Variants in MAGI1 observed in about 807,000 individuals in gnomAD.
MAGI1 encodes the protein membrane-associated guanylate kinase, WW and PDZ domain-containing protein 1.
In MAGI1, 58 loss-of-function variants were observed where a neutral mutation model predicts 139.9. The observed-to-expected ratio is 0.41, with a 90% CI of 0.34 to 0.52. The LOEUF is 0.52. Ranked by LOEUF, MAGI1 falls within the 20% of genes least tolerant of loss-of-function variation. The pLI is 0.12. For missense variants in MAGI1, 1,874 were observed against 1,901.6 expected (o/e 0.99, Z 0.27); for synonymous variants, 812 against 737.9 (o/e 1.10, Z -1.63).
At chr3:65,734,595 G>A (rs541687378) in intron 1 of MAGI1, among the ~76,000 whole-genome samples, 6 of 151,750 alleles carry the variant, frequency 4.0e-5, no homozygotes, top group African/African-American at 1.4e-4. Flanking sequence ...GAGGGAGAGA[G>A]AGAAACTGTC....
At chr3:65,534,911 AC>A (rs1293290486) in intron 2 of MAGI1, among the ~76,000 whole-genome samples, 7 of 152,130 alleles carry the variant, frequency 4.6e-5, no homozygotes, top group Non-Finnish European at 8.8e-5. Context: ...CAACCCCATC[AC>A]CATGGCAGGT....
At chr3:65,862,295 T>C (rs1014759741) in intron 1 of MAGI1, among the ~76,000 whole-genome samples, 3 of 152,136 alleles carry the variant, frequency 2.0e-5, no homozygotes, top group African/African-American at 4.8e-5. Flanking sequence ...GCAGTACCTA[T>C]TCTCATATGG....
intron 2 of MAGI1, among the ~76,000 whole-genome samples, chr3:65,516,747 A>G (rs1174595775): frequency 3.9e-5 from 1 of 25,600 alleles, no homozygotes; most frequent in Non-Finnish European, 7.6e-5. Flanking sequence ...TTTTTTTTTG[A>G]GACGGAGTCT....
chr3:65,416,255 T>C (rs1946210311), intron 12 of MAGI1, among the ~76,000 whole-genome samples: 1 of 152,196 alleles, frequency 6.6e-6, no homozygotes, highest in African/African-American at 2.4e-5. Flanking sequence ...GGTTGCTGAA[T>C]GAGTGGAGTC....
At chr3:65,575,160 A>G (rs1280645277) in intron 2 of MAGI1, among the ~76,000 whole-genome samples, 1 of 152,102 alleles carries the variant, frequency 6.6e-6, no homozygotes, top group Non-Finnish European at 1.5e-5. Context: ...CAAATCACAT[A>G]TCTGAAAAAG....
At chr3:65,664,338 A>G (rs1358975770) in intron 1 of MAGI1, among the ~76,000 whole-genome samples, 1 of 152,206 alleles carries the variant, frequency 6.6e-6, no homozygotes, top group Admixed American at 6.5e-5. Flanking sequence ...ACTACCACCA[A>G]TAACAATAAA....
chr3:65,845,067 A>G (rs899428822), intron 1 of MAGI1, among the ~76,000 whole-genome samples: 2 of 152,106 alleles, frequency 1.3e-5, no homozygotes, highest in South Asian at 2.1e-4. Flanking sequence ...CCTGGCCAAT[A>G]TGGTGAAACC....
At chr3:65,722,264 T>G (rs769325110) in intron 1 of MAGI1, among the ~76,000 whole-genome samples, 2 of 152,178 alleles carry the variant, frequency 1.3e-5, no homozygotes, top group African/African-American at 2.4e-5. Context: ...TACCTAGATT[T>G]GTTTAAGAAT....
At chr3:65,457,755 A>C (rs1465391772) in intron 5 of MAGI1, among the ~76,000 whole-genome samples, 2 of 152,180 alleles carry the variant, frequency 1.3e-5, no homozygotes, top group African/African-American at 4.8e-5. Flanking sequence ...ATCAGGGTAA[A>C]TGAAGTGACC....
chr3:65,974,395 A>C lies in MAGI1; in HGVS notation c.313+63601T>G, dbSNP rs180903200. On this transcript the variant is annotated intron_variant, in intron 1 of 22. Transcript: ENST00000402939. Reference sequence around the variant, plus strand: ...GGCGGGTGGGCGGGTGGCTGGGTGGATGGGTGGATGGGTGGATGGATGGAT... The same window carrying C: ...GGCGGGTGGGCGGGTGGCTGGGTGGCTGGGTGGATGGGTGGATGGATGGAT... Among the ~76,000 whole-genome samples the C allele has an allele frequency of 7.8e-4, 105 of 134,044 alleles. 2 individuals are homozygous for C. Among genetic ancestry groups the C allele is most frequent in the Admixed American group, 1.5e-3 (20 of 12,932 alleles). 87.9% of individuals were successfully genotyped at this position (134,044 alleles called of 152,430 possible). A position where few individuals can be genotyped will look rare whatever the true frequency, so the allele number is the denominator to read the frequency against.
At chr3:65,570,038 T>C (rs1261977861) in intron 2 of MAGI1, among the ~76,000 whole-genome samples, 1 of 149,690 alleles carries the variant, frequency 6.7e-6, no homozygotes, top group Non-Finnish European at 1.5e-5. Context: ...GTGAGCTCTT[T>C]CCATTCCTAC....
intron 1 of MAGI1, among the ~76,000 whole-genome samples, chr3:65,844,742 T>C (rs1011525119): frequency 1.3e-5 from 2 of 152,160 alleles, no homozygotes; most frequent in African/African-American, 4.8e-5. Flanking sequence ...GGGCTTATTT[T>C]AGAGCATTTT....
intron 2 of MAGI1, among the ~76,000 whole-genome samples, chr3:65,503,754 G>T (rs1171543384): frequency 6.6e-6 from 1 of 152,152 alleles, no homozygotes; most frequent in African/African-American, 2.4e-5. Flanking sequence ...TGCAAAAGTG[G>T]CCTAGACATG....
chr3:65,686,829 A>C (rs2088083081), intron 1 of MAGI1, among the ~76,000 whole-genome samples: 1 of 152,188 alleles, frequency 6.6e-6, no homozygotes, highest in Admixed American at 6.5e-5. Flanking sequence ...TCACACACTA[A>C]ACCATGTAAA....
At chr3:65,985,187 A>T (rs1415046642) in intron 1 of MAGI1, among the ~76,000 whole-genome samples, 1 of 152,220 alleles carries the variant, frequency 6.6e-6, no homozygotes, top group African/African-American at 2.4e-5. Flanking sequence ...ACTGAATATT[A>T]TTGGATGGAG....
chr3:65,667,640 T>C (rs2086611326), intron 1 of MAGI1, among the ~76,000 whole-genome samples: 1 of 152,190 alleles, frequency 6.6e-6, no homozygotes, highest in African/African-American at 2.4e-5. Flanking sequence ...GGTGCAATCA[T>C]GGCTCCGTGC....
chr3:66,018,462 A>AT (rs954245257), intron 1 of MAGI1, among the ~76,000 whole-genome samples: 43 of 148,806 alleles, frequency 2.9e-4, no homozygotes, highest in South Asian at 8.5e-4. Flanking sequence ...AGAGCCAGGC[A>AT]TTTTTTTTTT....
intron 2 of MAGI1, among the ~76,000 whole-genome samples, chr3:65,578,876 G>T (rs866818225): frequency 6.6e-6 from 1 of 151,772 alleles, no homozygotes. Context: ...AGGTGAGATC[G>T]CGCCACTACA....
intron 2 of MAGI1, among the ~76,000 whole-genome samples, chr3:65,618,873 G>A (rs1044091409): frequency 2.6e-5 from 4 of 152,202 alleles, no homozygotes; most frequent in Admixed American, 1.3e-4. Context: ...ACAGCCAGCA[G>A]AGTAGCCCTC....
Sources: allele counts gnomAD v4.1 joint callset (sites outside exome capture counted in the v4.1 genomes callset), GRCh38; gene constraint gnomAD v4.1.1; transcripts MANE v1.5; gene names NCBI Gene and HGNC (gene_info 2026-07-23, HGNC 2026-07-21).